PDE4D: variants seen among roughly 807,000 people sequenced by gnomAD.
The protein encoded by PDE4D is phosphodiesterase 4D.
Under a neutral mutation model 87.4 loss-of-function variants are expected in PDE4D, and 24 were observed. The ratio of observed to expected loss-of-function variants is 0.27; its 90% confidence interval spans 0.20 to 0.39. PDE4D has a LOEUF of 0.39. Among genes scored for constraint, PDE4D ranks in the 10% least tolerant of loss-of-function variants. PDE4D has a pLI of 1.00. For missense variants in PDE4D, 714 were observed against 1,041.0 expected, an observed-to-expected ratio of 0.69 and a Z score of 4.32; for synonymous variants, 384 against 383.2, an observed-to-expected ratio of 1.00 and a Z score of -0.02.
At chr5:59,589,926 GAAC>G (rs1825687559) in intron 1 of PDE4D, among the ~76,000 whole-genome samples, 1 of 151,940 alleles carries the variant, frequency 6.6e-6, no homozygotes, top group Non-Finnish European at 1.5e-5. Flanking sequence ...TAACAAATTA[GAAC>G]AAAAGGAAAC....
At chr5:59,584,064 T>C (rs1022322302) in intron 1 of PDE4D, among the ~76,000 whole-genome samples, 1 of 152,182 alleles carries the variant, frequency 6.6e-6, no homozygotes, top group Non-Finnish European at 1.5e-5. Context: ...GGGGAGTCTT[T>C]GGAGATGAAA....
At chr5:59,137,747 G>A (rs1213674376) in intron 5 of PDE4D, among the ~76,000 whole-genome samples, 1 of 152,136 alleles carries the variant, frequency 6.6e-6, no homozygotes, top group Admixed American at 6.5e-5. Flanking sequence ...AGGATGGTCT[G>A]GATCTCCTGA....
At position 59,909,390 on chromosome 5, in the gene PDE4D, G is replaced by A. The variant is rs367675092; in HGVS notation, c.272+79098C>T. Among the ~76,000 whole-genome samples the A allele has an allele frequency of 3.6e-3, 346 of 95,424 alleles. 3 individuals carry two copies. Among genetic ancestry groups the A allele is most frequent in the African/African-American group, 0.025 (328 of 12,878 alleles). The allele number at this position is 95,424 out of a possible 152,430, so 62.6% of individuals were successfully genotyped here. On this transcript the variant is annotated intron_variant, in intron 3 of 16. Coordinates refer to the PDE4D transcript ENST00000502484. Reference sequence around the variant, plus strand: ...ATCGGCAATTTTAACAAGCTCCTTAGGTGGATTTTTTTTTTCTTTTGAGAC... The same window carrying A: ...ATCGGCAATTTTAACAAGCTCCTTAAGTGGATTTTTTTTTTCTTTTGAGAC...
chr5:59,926,828 G>C (rs1755343839), intron 3 of PDE4D, among the ~76,000 whole-genome samples: 1 of 152,100 alleles, frequency 6.6e-6, no homozygotes, highest in East Asian at 1.9e-4. Context: ...GAACCATGAA[G>C]TCCAAAATCC....
intron 2 of PDE4D, among the ~76,000 whole-genome samples, chr5:60,064,141 T>A (rs540497054): frequency 6.6e-6 from 1 of 152,258 alleles, no homozygotes; most frequent in South Asian, 2.1e-4. Context: ...ATAATTTTCA[T>A]AATCAGATAA....
intron 1 of PDE4D, among the ~76,000 whole-genome samples, chr5:60,512,043 A>G (rs1035153998): frequency 6.6e-6 from 1 of 152,206 alleles, no homozygotes; most frequent in Admixed American, 6.5e-5. Context: ...AGAATATTCA[A>G]TGAAACACAG....
chr5:59,768,609 G>A, intron 1 of PDE4D: 1 of 1,544,064 alleles, frequency 6.5e-7, no homozygotes, highest in Non-Finnish European at 8.7e-7. Context: ...TGAGCCTGCT[G>A]CTGTTAGTGC....
chr5:60,087,705 GC>G (rs1409296970), intron 2 of PDE4D, among the ~76,000 whole-genome samples: 2 of 151,746 alleles, frequency 1.3e-5, no homozygotes, highest in East Asian at 3.9e-4. Context: ...AGTCAGAGAA[GC>G]AAAAGGAAAA....
At chr5:60,415,399 C>G (rs2150073998) in intron 1 of PDE4D, among the ~76,000 whole-genome samples, 1 of 152,390 alleles carries the variant, frequency 6.6e-6, no homozygotes, top group East Asian at 1.9e-4. Context: ...GTGGGAGCCC[C>G]TTTCTCGGCT....
intron 1 of PDE4D, among the ~76,000 whole-genome samples, chr5:59,258,644 A>G (rs1761413820): frequency 6.7e-6 from 1 of 149,202 alleles, no homozygotes; most frequent in African/African-American, 2.4e-5. Flanking sequence ...ATACATTGTT[A>G]TATCAGTTAG....
chr5:59,457,595 T>G (rs1800125461), intron 1 of PDE4D, among the ~76,000 whole-genome samples: 1 of 152,164 alleles, frequency 6.6e-6, no homozygotes, highest in African/African-American at 2.4e-5. Flanking sequence ...TGTTCACATT[T>G]GCAGATGGTG....
At chr5:60,186,436 C>T (rs1160417787) in intron 1 of PDE4D, among the ~76,000 whole-genome samples, 1 of 152,116 alleles carries the variant, frequency 6.6e-6, no homozygotes, top group Admixed American at 6.5e-5. Flanking sequence ...GAAGAAAGAA[C>T]AAATCGAATA....
chr5:58,980,598 A>T (rs1044043543), intron 11 of PDE4D, among the ~76,000 whole-genome samples: 2 of 152,066 alleles, frequency 1.3e-5, no homozygotes, highest in Admixed American at 6.6e-5. Flanking sequence ...TGGATCATCA[A>T]GAATAAATTA....
At chr5:59,067,980 AAAATTTATGAAAAACCATCT>A (rs1260747929) in intron 5 of PDE4D, among the ~76,000 whole-genome samples, 5 of 152,214 alleles carry the variant, frequency 3.3e-5, no homozygotes, top group African/African-American at 9.7e-5. Context: ...TTCATGACTC[AAAATTTATGAAAAACCATCT>A]AAGACTATCG....
intron 1 of PDE4D, among the ~76,000 whole-genome samples, chr5:59,824,136 A>G (rs1335014857): frequency 6.6e-6 from 1 of 152,156 alleles, no homozygotes; most frequent in Non-Finnish European, 1.5e-5. Context: ...AGCCACAAGT[A>G]AAAGAAACAA....
intron 1 of PDE4D, among the ~76,000 whole-genome samples, chr5:59,620,108 A>G (rs1301050549): frequency 6.6e-6 from 1 of 152,190 alleles, no homozygotes; most frequent in East Asian, 1.9e-4. Context: ...AAACAGAAAT[A>G]GGATGGAAAT....
At chr5:59,574,059 AAAATATATATATT>A (rs1822439028) in intron 1 of PDE4D, among the ~76,000 whole-genome samples, 1 of 39,096 alleles carries the variant, frequency 2.6e-5, no homozygotes, top group Non-Finnish European at 4.4e-5. Flanking sequence ...TTTATATATA[AAAATATATATATT>A]TATATATATA....
At chr5:60,275,594 T>A (rs1267619501) in intron 1 of PDE4D, among the ~76,000 whole-genome samples, 1 of 151,964 alleles carries the variant, frequency 6.6e-6, no homozygotes, top group Non-Finnish European at 1.5e-5. Flanking sequence ...AACTCATGTT[T>A]TTTTTTTTAA....
chr5:59,050,438 A>G (rs1761368669), intron 5 of PDE4D, among the ~76,000 whole-genome samples: 1 of 152,208 alleles, frequency 6.6e-6, no homozygotes. Flanking sequence ...ATTTTGGCCT[A>G]CTGGTAAACC....
Sources: gnomAD v4.1 joint callset for allele counts (sites outside exome capture counted in the v4.1 genomes callset) on GRCh38, gnomAD v4.1.1 for gene constraint, MANE v1.5 for transcripts, NCBI Gene and HGNC (gene_info 2026-07-23, HGNC 2026-07-21) for gene names.